Variants in EFR3B observed in about 807,000 individuals in gnomAD.
EFR3B encodes EFR3 homolog B, also known as protein EFR3 homolog B.
In EFR3B, 64 loss-of-function variants were observed where a neutral mutation model predicts 104.7. That is an observed-to-expected ratio of 0.61 (90% CI 0.50 to 0.75). EFR3B has a LOEUF of 0.75. EFR3B is among the 30% of genes least tolerant of loss of function. The probability of loss-of-function intolerance (pLI) is 0.00; values close to 1 mark genes in which losing one functional copy is unlikely to be tolerated. For missense variants in EFR3B, 750 were observed against 1,078.5 expected (o/e 0.70, Z 4.27); for synonymous variants, 385 against 417.9 (o/e 0.92, Z 0.96).
At chr2:25,055,998 C>A (rs1668010728) in intron 1 of EFR3B, among the ~76,000 whole-genome samples, 1 of 152,178 alleles carries the variant, frequency 6.6e-6, no homozygotes, top group Admixed American at 6.5e-5. Flanking sequence ...TAGTAAGAGT[C>A]CAAATGTTTG....
In EFR3B at chr2:25,093,124, G is replaced by C; in HGVS notation, c.206G>C (p.Arg69Pro). ...ERLIRDVGRH[R>P]YGYVCIAMEA... ...CTCATCCGTGACGTGGGTCGCCATCGATATGGGTAAGTAGTTTGGAAGAGA... is the reference window on the plus strand; with the variant it reads ...CTCATCCGTGACGTGGGTCGCCATCCATATGGGTAAGTAGTTTGGAAGAGA... Residue 69 changes from arginine to proline, a missense_variant, in exon 3 of 23, where the codon CGA becomes CCA. Coordinates refer to ENST00000403714, the MANE Select transcript of EFR3B (RefSeq NM_014971.2). 1 of 1,551,802 alleles carries C rather than the reference G, an allele frequency of 6.4e-7. No homozygotes were observed. The highest frequency in any genetic ancestry group is 8.7e-7 in the Non-Finnish European group (1 of 1,147,076).
chr2:25,081,614 G>A (rs1017440231), intron 1 of EFR3B: 23 of 760,760 alleles, frequency 3.0e-5, no homozygotes, highest in Non-Finnish European at 5.2e-5. Context: ...GCAGTGGCCC[G>A]CAGGGCTGTC....
intron 1 of EFR3B, chr2:25,081,768 G>T: frequency 2.4e-6 from 1 of 423,832 alleles, no homozygotes. Flanking sequence ...TAAAATCAGT[G>T]TGAGAGAGAC....
chr2:25,110,179 A>C (rs1573209552), intron 4 of EFR3B, among the ~76,000 whole-genome samples: 1 of 150,154 alleles, frequency 6.7e-6, no homozygotes, highest in African/African-American at 2.5e-5. Flanking sequence ...TCTTGCTGAG[A>C]CTCCCTTCCT....
rs1425732070 is a variant in EFR3B, at chr2:25,129,354, C to T, written c.636-621C>T. Reference sequence around the variant, plus strand: ...GGCGGGGGCGGGGGCGGGGGCGGGGCGTGGGGTGGGGCGTGGGGTGGGGTG... The same window carrying T: ...GGCGGGGGCGGGGGCGGGGGCGGGGTGTGGGGTGGGGCGTGGGGTGGGGTG... On this transcript the variant is annotated intron_variant, in intron 6 of 22. Coordinates refer to ENST00000403714, the MANE Select transcript of EFR3B (RefSeq NM_014971.2). 7.6e-4 allele frequency among the ~76,000 whole-genome samples: 7 copies of T among 9,170 alleles called. No homozygotes were observed. In the East Asian group the frequency reaches 0.01, roughly 13 times the overall value. The allele number at this position is 9,170 out of a possible 152,430, so 6.0% of individuals were successfully genotyped here.
At chr2:25,144,801 C>T (rs1019224723) in intron 18 of EFR3B, among the ~76,000 whole-genome samples, 159 bp from the exon 19 acceptor site, 2 of 152,182 alleles carry the variant, frequency 1.3e-5, no homozygotes, top group African/African-American at 4.8e-5. Flanking sequence ...CCACAGCAAT[C>T]GGAAGCTTCT....
intron 3 of EFR3B, among the ~76,000 whole-genome samples, chr2:25,101,398 G>T (rs928881397): frequency 6.6e-6 from 1 of 152,174 alleles, no homozygotes; most frequent in African/African-American, 2.4e-5. Context: ...CCCCCAGGCT[G>T]GAGTACAGTG....
At chr2:25,140,130 T>C (rs1230028684) in intron 16 of EFR3B, among the ~76,000 whole-genome samples, 1 of 152,014 alleles carries the variant, frequency 6.6e-6, no homozygotes, top group Non-Finnish European at 1.5e-5. Flanking sequence ...CTGGGCAACA[T>C]GGTGAACCCC....
Position 25,155,864 on chromosome 2 carries a change from T to A in EFR3B, c.*1524T>A, listed in dbSNP as rs997091107. ...CAAAGGAATCCGTTTTTAATTTTTT[T>A]TTTTTTCTAGAGATGGGGGTCTCAC... On this transcript the variant is annotated 3_prime_UTR_variant, in exon 23 of 23. Transcript: ENST00000403714. 6.6e-6 allele frequency: 1 copy of A among 152,298 alleles called. No individual in the cohort carries two copies. Among genetic ancestry groups the A allele is most frequent in the East Asian group, 1.9e-4 (1 of 5,184 alleles). 9.4% of individuals were successfully genotyped at this position (152,298 alleles called of 1,614,324 possible). A position where few individuals can be genotyped will look rare whatever the true frequency, so the allele number is the denominator to read the frequency against.
In EFR3B at chr2:25,042,471, G is replaced by A; in HGVS notation, c.7+152G>A. On this transcript the variant is annotated intron_variant, in intron 1 of 22. Coordinates refer to ENST00000403714, the MANE Select transcript of EFR3B (RefSeq NM_014971.2). This position sits in a 1 kb window ranked among gnomAD's most constrained non-coding sequence, Gnocchi z 5.4. Reference sequence around the variant, plus strand: ...GCTGTTGCGGTCGCTCTGTGCGCGCGCGTCTGCGCTGCGAGGACAAAGATG... The same window carrying A: ...GCTGTTGCGGTCGCTCTGTGCGCGCACGTCTGCGCTGCGAGGACAAAGATG... 3 of 1,207,428 alleles carry A rather than the reference G, an allele frequency of 2.5e-6. No individual in the cohort carries two copies. Among genetic ancestry groups the A allele is most frequent in the Non-Finnish European group, 3.1e-6 (3 of 972,468 alleles). The allele number at this position is 1,207,428 out of a possible 1,614,324, so 74.8% of individuals were successfully genotyped here. A position where few individuals can be genotyped will look rare whatever the true frequency, so the allele number is the denominator to read the frequency against.
intron 4 of EFR3B, among the ~76,000 whole-genome samples, chr2:25,110,250 T>A (rs1009883042): frequency 2.6e-5 from 4 of 152,142 alleles, no homozygotes; most frequent in Non-Finnish European, 5.9e-5. Context: ...TCCCAGGGCC[T>A]GCACAGCCAC....
intron 3 of EFR3B, among the ~76,000 whole-genome samples, chr2:25,098,456 G>A (rs1189897100): frequency 6.6e-6 from 1 of 152,014 alleles, no homozygotes; most frequent in Non-Finnish European, 1.5e-5. Flanking sequence ...CCTCTTCCAG[G>A]ACACCCGCCC....
chr2:25,068,523 G>A (rs999550499), intron 1 of EFR3B, among the ~76,000 whole-genome samples: 2 of 152,086 alleles, frequency 1.3e-5, no homozygotes, highest in Non-Finnish European at 2.9e-5. Flanking sequence ...TAAGATAACT[G>A]GGTTTAAGGG....
At position 25,135,528 on chromosome 2, in the gene EFR3B, G is replaced by A. The variant is rs1247536046; in HGVS notation, c.1373G>A (p.Arg458His). 31 of 1,551,664 alleles carry A rather than the reference G, an allele frequency of 2.0e-5. No homozygotes were observed. The highest frequency in any genetic ancestry group is 1.7e-4 in the Middle Eastern group (1 of 6,014). ...GCCCTGCCTAGCAACTTCCTGGACC[G>A]CCTTCTCTCCACCGCCCTCATGGAG... ...MSALPSNFLD[R>H]LLSTALMEDA... The change falls in exon 13 of 23, where the codon CGC becomes CAC. Residue 458 changes from arginine to histidine, a missense_variant. By Grantham distance (29) the Arg-to-His change is conservative. Coordinates refer to ENST00000403714, the MANE Select transcript of EFR3B (RefSeq NM_014971.2).
At position 25,044,592 on chromosome 2, in the gene EFR3B, C is replaced by T. The variant is rs186355719; in HGVS notation, c.7+2273C>T. The stretch of plus-strand genomic sequence containing the variant: ...GGCACTGCGCTTCTCCCCCTCCCAC[C>T]TCCTGACCTCCCCTGTGTGTCCTAT... On this transcript the variant is annotated intron_variant, in intron 1 of 22. Coordinates refer to ENST00000403714, the MANE Select transcript of EFR3B (RefSeq NM_014971.2). 4.6e-5 allele frequency among the ~76,000 whole-genome samples: 7 copies of T among 152,268 alleles called. No homozygotes were observed. The East Asian group carries it at 1.2e-3, about 25-fold the overall frequency.
intron 4 of EFR3B, among the ~76,000 whole-genome samples, chr2:25,118,023 A>G (rs1224752265): frequency 6.6e-6 from 1 of 152,198 alleles, no homozygotes; most frequent in Non-Finnish European, 1.5e-5. Context: ...TCTGTCGCCC[A>G]GGCTGGAGTG....
chr2:25,130,320 G>A lies in EFR3B; in HGVS notation c.770+211G>A, dbSNP rs1670294120. On this transcript the variant is annotated intron_variant, in intron 7 of 22. Coordinates refer to ENST00000403714, the MANE Select transcript of EFR3B (RefSeq NM_014971.2). This position sits in a 1 kb window ranked among gnomAD's most constrained non-coding sequence, Gnocchi z 4.6. ...TGCTGCCAGTAGGAAGGCACCCAAC[G>A]CTAAGCAAAGGTGCCCAGCTTCACC... Among the ~76,000 whole-genome samples, 2 of 152,202 alleles carry A rather than the reference G, an allele frequency of 1.3e-5. No individual in the cohort carries two copies. The highest frequency in any genetic ancestry group is 6.5e-5 in the Admixed American group (1 of 15,274).
chr2:25,106,855 A>AT (rs1472365577), intron 4 of EFR3B, among the ~76,000 whole-genome samples: 1 of 152,208 alleles, frequency 6.6e-6, no homozygotes, highest in East Asian at 1.9e-4. Flanking sequence ...AAGTGCTGAG[A>AT]TTACAGGTGT....
chr2:25,105,918 T>A (rs1336356996), intron 4 of EFR3B, among the ~76,000 whole-genome samples: 1 of 152,232 alleles, frequency 6.6e-6, no homozygotes, highest in Non-Finnish European at 1.5e-5. Flanking sequence ...GCAAGCTGAC[T>A]AATGATTGCT....
Sources: allele counts gnomAD v4.1 joint callset (sites outside exome capture counted in the v4.1 genomes callset), GRCh38; gene constraint gnomAD v4.1.1; non-coding constraint Gnocchi (gnomAD v3.1); transcripts MANE v1.5; gene names NCBI Gene and HGNC (gene_info 2026-07-23, HGNC 2026-07-21).